The following PEAK1 variants were observed in gnomAD, a reference collection of about 807,000 sequenced individuals.
The protein encoded by PEAK1 is inactive tyrosine-protein kinase PEAK1.
In PEAK1, 54 loss-of-function variants were observed where a neutral mutation model predicts 124.7. The ratio of observed to expected loss-of-function variants is 0.43; its 90% CI spans 0.35 to 0.54. The LOEUF (loss-of-function observed/expected upper bound fraction) is 0.54, where lower values mean the gene tolerates loss of function less well. PEAK1 is among the 20% of genes least tolerant of loss of function. PEAK1 has a pLI of 0.01. For missense variants in PEAK1, 2,046 were observed against 2,134.5 expected, an observed-to-expected ratio of 0.96 and a Z score of 0.82; for synonymous variants, 719 against 760.0, an observed-to-expected ratio of 0.95 and a Z score of 0.89.
At chr15:77,147,544 C>T (rs1034878342) in intron 8 of PEAK1, among the ~76,000 whole-genome samples, 1 of 152,090 alleles carries the variant, frequency 6.6e-6, no homozygotes, top group Non-Finnish European at 1.5e-5. Flanking sequence ...TGATCTCTGT[C>T]TATTTTGAGA....
chr15:77,167,414 C>T (rs949131544), intron 7 of PEAK1, among the ~76,000 whole-genome samples: 5 of 152,070 alleles, frequency 3.3e-5, no homozygotes, highest in South Asian at 2.1e-4. Flanking sequence ...TCCATGATTA[C>T]GATAAAGTAA....
intron 2 of PEAK1, among the ~76,000 whole-genome samples, chr15:77,296,752 A>T (rs907677268): frequency 6.6e-6 from 1 of 151,856 alleles, no homozygotes; most frequent in African/African-American, 2.4e-5. Flanking sequence ...ATTAACTATG[A>T]TCTAGGATTG....
intron 8 of PEAK1, among the ~76,000 whole-genome samples, chr15:77,143,384 C>T (rs771043959): frequency 6.6e-6 from 1 of 152,138 alleles, no homozygotes; most frequent in Non-Finnish European, 1.5e-5. Flanking sequence ...ACCTCCCTCA[C>T]CACACAAACC....
intron 6 of PEAK1, among the ~76,000 whole-genome samples, chr15:77,203,733 TAC>T (rs1382975965): frequency 1.3e-5 from 2 of 149,788 alleles, no homozygotes; most frequent in Non-Finnish European, 3.0e-5. Flanking sequence ...AAAATCTCAA[TAC>T]AGATACTATA....
At chr15:77,231,535 T>C (rs1250554937) in intron 6 of PEAK1, among the ~76,000 whole-genome samples, 1 of 152,198 alleles carries the variant, frequency 6.6e-6, no homozygotes, top group African/African-American at 2.4e-5. Context: ...TAATTAAAGA[T>C]AACATCTTCC....
chr15:77,417,642 C>G, intron 1 of PEAK1: 1 of 985,348 alleles, frequency 1.0e-6, no homozygotes, highest in Non-Finnish European at 1.2e-6. Flanking sequence ...ACTTAAACAA[C>G]CCATCCAACA....
In PEAK1 at chr15:77,112,329, A is replaced by C. The variant is rs1381665413; in HGVS notation, c.*1827T>G. 2 of 152,238 alleles carry C rather than the reference A, an allele frequency of 1.3e-5. No individual in the cohort carries two copies. The highest frequency in any genetic ancestry group is 2.9e-5 in the Non-Finnish European group (2 of 68,040). The allele number at this position is 152,238 out of a possible 1,614,324, so 9.4% of individuals were successfully genotyped here. On this transcript the variant is annotated 3_prime_UTR_variant, in exon 10 of 10. Coordinates refer to ENST00000682557, the MANE Select transcript of PEAK1 (RefSeq NM_001385026.1). Reference sequence around the variant, plus strand: ...ACATGAATCACATGAAAAGCTGTTAAAAATGTTAAAAGTTTAGAAATTTCC... The same window carrying C: ...ACATGAATCACATGAAAAGCTGTTACAAATGTTAAAAGTTTAGAAATTTCC...
intron 5 of PEAK1, among the ~76,000 whole-genome samples, chr15:77,259,525 A>G (rs2061332065): frequency 6.6e-6 from 1 of 152,166 alleles, no homozygotes; most frequent in Non-Finnish European, 1.5e-5. Context: ...AAAGTACATC[A>G]ATGGATAAGT....
At chr15:77,319,270 G>A (rs1432496037) in intron 2 of PEAK1, among the ~76,000 whole-genome samples, 1 of 149,490 alleles carries the variant, frequency 6.7e-6, no homozygotes, top group Non-Finnish European at 1.5e-5. Flanking sequence ...AAAAAAAAGC[G>A]TGCCCTAGCA....
chr15:77,392,847 A>G (rs1027802189), intron 1 of PEAK1, among the ~76,000 whole-genome samples: 2 of 152,196 alleles, frequency 1.3e-5, no homozygotes, highest in Non-Finnish European at 2.9e-5. Flanking sequence ...TTTTAACTTC[A>G]TATCACTGAA....
At chr15:77,135,355 T>TA (rs2152744417) in intron 8 of PEAK1, among the ~76,000 whole-genome samples, 1 of 152,316 alleles carries the variant, frequency 6.6e-6, no homozygotes, top group African/African-American at 2.4e-5. Flanking sequence ...ATTGTAATAG[T>TA]AAGTGTTGCT....
chr15:77,198,696 T>C (rs534777695), intron 6 of PEAK1, among the ~76,000 whole-genome samples: 289 of 152,272 alleles, frequency 1.9e-3, no homozygotes, highest in Non-Finnish European at 3.4e-3. Flanking sequence ...ACTGTAATAT[T>C]ATTCAAGAAA....
intron 2 of PEAK1, among the ~76,000 whole-genome samples, chr15:77,343,111 T>A (rs756290622): frequency 3.9e-5 from 6 of 152,236 alleles, no homozygotes; most frequent in Non-Finnish European, 7.3e-5. Context: ...TTTATCCGTG[T>A]CCTTGCCAAT....
chr15:77,272,935 G>A (rs1028675993), intron 5 of PEAK1, among the ~76,000 whole-genome samples: 8 of 152,162 alleles, frequency 5.3e-5, no homozygotes, highest in African/African-American at 1.9e-4. Context: ...TTTCATAACA[G>A]GGATGCAGGG....
rs552066008 is a variant in PEAK1 at position 77,380,071 on chromosome 15, G to A, written c.-665-14846C>T. Among the ~76,000 whole-genome samples, 197 of 152,138 alleles carry A rather than the reference G, an allele frequency of 1.3e-3. 1 individual carries two copies. Among genetic ancestry groups the A allele is most frequent in the African/African-American group, 4.6e-3 (193 of 41,508 alleles). ...CTTACCTGGCAAATAAATAAACTCA[G>A]CTTTGTTTTATCTTGTTTTTTTAGC... On this transcript the variant is annotated intron_variant, in intron 1 of 9. Coordinates refer to ENST00000682557, the MANE Select transcript of PEAK1 (RefSeq NM_001385026.1).
chr15:77,403,824 A>T (rs4886866), intron 1 of PEAK1: 718,267 of 980,836 alleles, frequency 0.73, 266,216 homozygotes, highest in Non-Finnish European at 0.76. Context: ...TTCTATTCTA[A>T]TATATCCCTA....
chr15:77,345,137 C>T (rs1050996429), intron 2 of PEAK1, among the ~76,000 whole-genome samples: 3 of 152,180 alleles, frequency 2.0e-5, no homozygotes, highest in Non-Finnish European at 1.5e-5. Flanking sequence ...CAAAACCTTA[C>T]AGTTTTCCAC....
chr15:77,185,331 T>A (rs1038396956), intron 6 of PEAK1, among the ~76,000 whole-genome samples: 1 of 152,228 alleles, frequency 6.6e-6, no homozygotes, highest in East Asian at 1.9e-4. Flanking sequence ...ATTACTAGTA[T>A]AGAGATATTT....
chr15:77,174,664 G>C (rs2056732984), intron 7 of PEAK1, among the ~76,000 whole-genome samples: 1 of 152,278 alleles, frequency 6.6e-6, no homozygotes, highest in South Asian at 2.1e-4. Context: ...TTAAAGAAAA[G>C]TTTAATATCT....
Sources: gnomAD v4.1 joint callset for allele counts (sites outside exome capture counted in the v4.1 genomes callset) on GRCh38, gnomAD v4.1.1 for gene constraint, MANE v1.5 for transcripts, NCBI Gene and HGNC (gene_info 2026-07-23, HGNC 2026-07-21) for gene names.